CAMKMT: variants seen among roughly 807,000 people sequenced by gnomAD.
The protein encoded by CAMKMT is calmodulin-lysine N-methyltransferase.
CAMKMT carries 53 observed loss-of-function variants against 48.0 expected under a neutral mutation model. The observed-to-expected ratio is 1.10, with a 90% CI of 0.89 to 1.39. The LOEUF (loss-of-function observed/expected upper bound fraction) is 1.39, where lower values mean the gene tolerates loss of function less well. Among genes scored for constraint, CAMKMT ranks in the 40% most tolerant of loss-of-function variants. The probability of loss-of-function intolerance (pLI) is 0.00; values close to 1 mark genes in which losing one functional copy is unlikely to be tolerated. For synonymous variants in CAMKMT, 165 were observed against 152.3 expected (o/e 1.08, Z -0.61); for missense variants, 428 against 402.7 (o/e 1.06, Z -0.54).
intron 3 of CAMKMT, among the ~76,000 whole-genome samples, chr2:44,405,499 C>T (rs939805506): frequency 2.0e-5 from 3 of 151,896 alleles, no homozygotes; most frequent in African/African-American, 7.3e-5. Context: ...GCTGTGAAGG[C>T]ATATATACCA....
chr2:44,617,871 G>A (rs1171191639), intron 3 of CAMKMT, among the ~76,000 whole-genome samples: 1 of 152,158 alleles, frequency 6.6e-6, no homozygotes, highest in Admixed American at 6.5e-5. Context: ...CCAATGCTTT[G>A]TCTGTTCGCA....
intron 3 of CAMKMT, among the ~76,000 whole-genome samples, chr2:44,643,237 A>G (rs930709487): frequency 2.6e-5 from 4 of 152,228 alleles, no homozygotes; most frequent in Non-Finnish European, 4.4e-5. Context: ...AGATTTTCCA[A>G]TTAGTCAAGT....
At chr2:44,726,745 T>A (rs1164936055) in intron 7 of CAMKMT, among the ~76,000 whole-genome samples, 1 of 152,240 alleles carries the variant, frequency 6.6e-6, no homozygotes, top group Non-Finnish European at 1.5e-5. Flanking sequence ...ATTTTTGTAG[T>A]TTGAGGTCTT....
At chr2:44,365,645 C>G (rs1271171209) in intron 1 of CAMKMT, among the ~76,000 whole-genome samples, 2 of 152,194 alleles carry the variant, frequency 1.3e-5, no homozygotes, top group African/African-American at 4.8e-5. Context: ...AGACCAATTG[C>G]TGTGTCCAGA....
At chr2:44,723,548 A>G (rs143344226) in intron 7 of CAMKMT, among the ~76,000 whole-genome samples, 10,234 of 151,772 alleles carry the variant, frequency 0.067, 516 homozygotes, top group Admixed American at 0.14. Flanking sequence ...CGGAGATCAC[A>G]CCACTGCACT....
chr2:44,389,199 G>A (rs574605016), intron 2 of CAMKMT, among the ~76,000 whole-genome samples: 2 of 152,150 alleles, frequency 1.3e-5, no homozygotes, highest in South Asian at 2.1e-4. Context: ...TGTGGGGGAT[G>A]GGGGTGAGAT....
intron 3 of CAMKMT, among the ~76,000 whole-genome samples, chr2:44,640,778 T>G (rs1673406646): frequency 6.6e-6 from 1 of 152,194 alleles, no homozygotes; most frequent in East Asian, 1.9e-4. Flanking sequence ...GAGCATGCCC[T>G]CTGTAATGTT....
At chr2:44,495,825 A>G (rs917905204) in intron 3 of CAMKMT, among the ~76,000 whole-genome samples, 5 of 152,234 alleles carry the variant, frequency 3.3e-5, no homozygotes, top group East Asian at 1.9e-4. Context: ...ACCAGTGAAC[A>G]GGACCAGCTA....
At chr2:44,628,496 C>G (rs1672622794) in intron 3 of CAMKMT, among the ~76,000 whole-genome samples, 1 of 151,068 alleles carries the variant, frequency 6.6e-6, no homozygotes, top group African/African-American at 2.4e-5. Context: ...GTAAATTTTT[C>G]TAGCTTCTGA....
intron 3 of CAMKMT, among the ~76,000 whole-genome samples, chr2:44,661,406 C>T (rs561757467): frequency 2.3e-4 from 31 of 133,998 alleles, no homozygotes; most frequent in South Asian, 1.2e-3. Context: ...ACCACTGTTT[C>T]CTGGGTTCAA....
intron 3 of CAMKMT, among the ~76,000 whole-genome samples, chr2:44,611,247 C>T (rs1327964550): frequency 1.3e-5 from 2 of 152,086 alleles, no homozygotes; most frequent in Non-Finnish European, 2.9e-5. Context: ...ACCTGGCCAA[C>T]ATGGTGAAAC....
At chr2:44,416,613 G>A (rs1050207089) in intron 3 of CAMKMT, among the ~76,000 whole-genome samples, 4 of 119,842 alleles carry the variant, frequency 3.3e-5, no homozygotes, top group East Asian at 2.3e-4. Flanking sequence ...TTGCTCTGTC[G>A]CCTAGGCTGG....
intron 3 of CAMKMT, among the ~76,000 whole-genome samples, chr2:44,398,638 A>G (rs1682080794): frequency 6.6e-6 from 1 of 151,036 alleles, no homozygotes; most frequent in Non-Finnish European, 1.5e-5. Flanking sequence ...TTATGTTTTA[A>G]CATAGCCCCT....
intron 3 of CAMKMT, among the ~76,000 whole-genome samples, chr2:44,421,960 A>G (rs1683962861): frequency 6.6e-6 from 1 of 152,210 alleles, no homozygotes; most frequent in South Asian, 2.1e-4. Context: ...GGACTTGGGA[A>G]ATAAAGAGGA....
At chr2:44,559,008 A>ATAG (rs200820490) in intron 3 of CAMKMT, among the ~76,000 whole-genome samples, 1 of 150,082 alleles carries the variant, frequency 6.7e-6, no homozygotes, top group African/African-American at 2.5e-5. Flanking sequence ...TAGATAGATA[A>ATAG]ACAGACAGAC....
In CAMKMT at chr2:44,625,096, C is replaced by T. The variant is rs1370935143; in HGVS notation, c.377-79187C>T. Among the ~76,000 whole-genome samples the T allele has an allele frequency of 3.3e-5, 5 of 152,142 alleles. No individual in the cohort carries two copies. The East Asian group carries it at 9.6e-4, about 29-fold the overall frequency. On this transcript the variant is annotated intron_variant, in intron 3 of 10. Transcript: ENST00000378494. ...CAGACTGTTCTCTAAAGTGATTGTA[C>T]CATTTTACATCCCCCAGCAGTGTAT...
At position 44,440,762 on chromosome 2, in the gene CAMKMT, A is replaced by G. The variant is rs180781590; in HGVS notation, c.376+50457A>G. On this transcript the variant is annotated intron_variant, in intron 3 of 10. Coordinates refer to ENST00000378494, the MANE Select transcript of CAMKMT (RefSeq NM_024766.5). ...CAAGACATTAATTTTCCACAGTAGT[A>G]TCACATACTCTTAGAATTCTGTGCT... Among the ~76,000 whole-genome samples, 792 of 152,300 alleles carry G rather than the reference A, an allele frequency of 5.2e-3. 4 individuals carry two copies. Among genetic ancestry groups the G allele is most frequent in the African/African-American group, 0.018 (759 of 41,556 alleles).
intron 3 of CAMKMT, among the ~76,000 whole-genome samples, chr2:44,553,437 T>TACA (rs1667833230): frequency 6.6e-6 from 1 of 151,996 alleles, no homozygotes; most frequent in African/African-American, 2.4e-5. Flanking sequence ...CTTGGCTTAC[T>TACA]GTAACCTCCA....
At chr2:44,370,212 T>C (rs1679018068) in intron 1 of CAMKMT, among the ~76,000 whole-genome samples, 1 of 152,226 alleles carries the variant, frequency 6.6e-6, no homozygotes, top group Non-Finnish European at 1.5e-5. Flanking sequence ...TATCCCATAG[T>C]GTTGTTTGAG....
Sources: allele counts gnomAD v4.1 joint callset (sites outside exome capture counted in the v4.1 genomes callset), GRCh38; gene constraint gnomAD v4.1.1; transcripts MANE v1.5; gene names NCBI Gene and HGNC (gene_info 2026-07-23, HGNC 2026-07-21).